Variants in TTC33 observed in about 807,000 individuals in gnomAD.
TTC33 encodes tetratricopeptide repeat protein 33.
TTC33 carries 24 observed loss-of-function variants against 29.4 expected under a neutral mutation model. The observed-to-expected ratio is 0.82, with a 90% CI of 0.59 to 1.15. The LOEUF is 1.15. TTC33 is among the 50% of genes most tolerant of loss of function. TTC33 has a pLI of 0.00. For missense variants in TTC33, 286 were observed against 310.4 expected (o/e 0.92, Z 0.59); for synonymous variants, 107 against 100.3 (o/e 1.07, Z -0.40).
chr5:40,745,421 T>C (rs774198036), intron 2 of TTC33, among the ~76,000 whole-genome samples: 5 of 152,132 alleles, frequency 3.3e-5, no homozygotes, highest in Non-Finnish European at 5.9e-5. Flanking sequence ...TATGCAATTA[T>C]GTATGCCTGT....
At chr5:40,729,909 G>C (rs1742383376) in intron 3 of TTC33, among the ~76,000 whole-genome samples, 1 of 152,154 alleles carries the variant, frequency 6.6e-6, no homozygotes, top group African/African-American at 2.4e-5. Flanking sequence ...ATGTTGGTCA[G>C]GGTGGTCTCG....
chr5:40,737,091 T>C (rs943239493), intron 2 of TTC33, among the ~76,000 whole-genome samples: 4 of 151,394 alleles, frequency 2.6e-5, no homozygotes, highest in East Asian at 3.9e-4. Context: ...AGCCCAGGAG[T>C]TCAAGATCAG....
chr5:40,743,500 T>C (rs919190127), intron 2 of TTC33, among the ~76,000 whole-genome samples: 1 of 152,182 alleles, frequency 6.6e-6, no homozygotes, highest in Non-Finnish European at 1.5e-5. Context: ...TTGCTGGGCA[T>C]GGTGGCTCAC....
At chr5:40,729,793 C>A (rs979556597) in intron 3 of TTC33, among the ~76,000 whole-genome samples, 1 of 152,124 alleles carries the variant, frequency 6.6e-6, no homozygotes, top group Non-Finnish European at 1.5e-5. Flanking sequence ...CCGCCTCCCA[C>A]GTTCAAGTGG....
intron 1 of TTC33, among the ~76,000 whole-genome samples, chr5:40,753,325 T>C (rs1168477910): frequency 1.3e-5 from 2 of 150,754 alleles, no homozygotes; most frequent in Non-Finnish European, 2.9e-5. Flanking sequence ...GATTGCACCA[T>C]TGCACTCCAG....
At chr5:40,717,300 T>C (rs1742023017) in intron 4 of TTC33, among the ~76,000 whole-genome samples, 1 of 151,412 alleles carries the variant, frequency 6.6e-6, no homozygotes, top group African/African-American at 2.4e-5. Flanking sequence ...GAAGTAGGTA[T>C]GGTTATTGTT....
intron 2 of TTC33, among the ~76,000 whole-genome samples, chr5:40,743,583 G>C (rs1742738746): frequency 6.6e-6 from 1 of 151,914 alleles, no homozygotes; most frequent in Admixed American, 6.6e-5. Context: ...GACCAGCCTG[G>C]CCAACATGGC....
In TTC33 at chr5:40,741,528, T is replaced by G. The variant is rs192584893; in HGVS notation, c.221+5270A>C. Reference sequence around the variant, plus strand: ...AAGGGACCTCATAGACTTCTGGAGCTTTTTCTCTGAGTAGCTTCCTCTTCT... The same window carrying G: ...AAGGGACCTCATAGACTTCTGGAGCGTTTTCTCTGAGTAGCTTCCTCTTCT... On this transcript the variant is annotated intron_variant, in intron 2 of 4. Coordinates refer to ENST00000337702, the MANE Select transcript of TTC33 (RefSeq NM_012382.3). Among the ~76,000 whole-genome samples the G allele has an allele frequency of 2.2e-3, 329 of 152,290 alleles. 1 individual carries two copies. The highest frequency in any genetic ancestry group is 7.6e-3 in the African/African-American group (314 of 41,554).
chr5:40,747,102 A>C, intron 1 of TTC33, 83 bp from the exon 2 acceptor site: 1 of 1,260,290 alleles, frequency 7.9e-7, no homozygotes, highest in Non-Finnish European at 1.1e-6. Flanking sequence ...CTCGTTGCCC[A>C]GGCTGGAGTA....
chr5:40,751,961 GA>G (rs61319403), intron 1 of TTC33, among the ~76,000 whole-genome samples: 87,461 of 127,394 alleles, frequency 0.69, 27,109 homozygotes, highest in East Asian at 0.77. Context: ...CGTCTCAAAA[GA>G]AAAAAAAAAA....
chr5:40,744,257 G>C, intron 2 of TTC33, among the ~76,000 whole-genome samples: 1 of 152,128 alleles, frequency 6.6e-6, no homozygotes. Flanking sequence ...CCTAACATTA[G>C]CTAGTTAAGT....
intron 3 of TTC33, 62 bp from the exon 4 acceptor site, chr5:40,728,538 A>G: frequency 6.9e-7 from 1 of 1,457,362 alleles, no homozygotes; most frequent in Non-Finnish European, 9.2e-7. Flanking sequence ...AACTACATAA[A>G]AAACCCTTTT....
chr5:40,734,090 T>C (rs1425506340), intron 2 of TTC33, among the ~76,000 whole-genome samples: 4 of 152,228 alleles, frequency 2.6e-5, no homozygotes, highest in African/African-American at 9.6e-5. Flanking sequence ...AAGTGAGCTG[T>C]TTTCCATGCT....
intron 4 of TTC33, among the ~76,000 whole-genome samples, chr5:40,723,512 TAAAA>T (rs34823449): frequency 1.5e-3 from 221 of 143,680 alleles, no homozygotes; most frequent in Admixed American, 2.0e-3. Flanking sequence ...TAACTCAAAT[TAAAA>T]AAAAAAAAAA....
rs1427547729 is a variant in TTC33, at chr5:40,728,350, T to G, written c.430A>C (p.Ile144Leu). The change falls in exon 4 of 5, where the codon ATC becomes CTC. Residue 144 changes from isoleucine to leucine, a missense_variant. Physicochemically the swap from Ile to Leu is conservative, Grantham distance 5. Transcript: ENST00000337702. ...TAATAATCTGACTTCCTCACCAGGATTATCTCTCCTAAACCAAGTTGAGCA... is the reference window on the plus strand; with the variant it reads ...TAATAATCTGACTTCCTCACCAGGAGTATCTCTCCTAAACCAAGTTGAGCA... ...GRAQLGLGEI[I>L]LAIRSFQVAL... The G allele has an allele frequency of 4.4e-6, 7 of 1,594,472 alleles. No individual in the cohort carries two copies. The East Asian group carries it at 6.8e-5, about 15-fold the overall frequency.
At chr5:40,722,900 G>A (rs1300693985) in intron 4 of TTC33, among the ~76,000 whole-genome samples, 5 of 151,930 alleles carry the variant, frequency 3.3e-5, no homozygotes, top group Non-Finnish European at 2.9e-5. Context: ...GGGAAGTGAG[G>A]AGCCCCTCTG....
intron 1 of TTC33, among the ~76,000 whole-genome samples, chr5:40,753,735 A>C (rs767744338): frequency 2.4e-4 from 36 of 152,192 alleles, no homozygotes; most frequent in Admixed American, 2.0e-4. Context: ...TGTATTTATG[A>C]TTATCCCTAA....
chr5:40,728,535 T>TA (rs1742350947), intron 3 of TTC33, 59 bp from the exon 4 acceptor site: 3 of 1,463,622 alleles, frequency 2.0e-6, no homozygotes, highest in East Asian at 4.7e-5. Context: ...AGCAACTACA[T>TA]AAAAAACCCT....
chr5:40,744,666 A>G (rs1389272881), intron 2 of TTC33, among the ~76,000 whole-genome samples: 5 of 152,194 alleles, frequency 3.3e-5, no homozygotes, highest in African/African-American at 1.2e-4. Flanking sequence ...ACAAAGGCCT[A>G]TTAGGCTACT....
Sources: allele counts gnomAD v4.1 joint callset (sites outside exome capture counted in the v4.1 genomes callset), GRCh38; gene constraint gnomAD v4.1.1; transcripts MANE v1.5; gene names NCBI Gene and HGNC (gene_info 2026-07-23, HGNC 2026-07-21).